Variants in CCDC148 observed in about 807,000 individuals in gnomAD.
CCDC148 encodes the protein coiled-coil domain-containing protein 148.
Under a neutral mutation model 85.7 loss-of-function variants are expected in CCDC148, and 89 were observed. The ratio of observed to expected loss-of-function variants is 1.04; its 90% CI spans 0.87 to 1.24. The LOEUF (loss-of-function observed/expected upper bound fraction) is 1.24. CCDC148 is among the 50% of genes most tolerant of loss of function. CCDC148 has a pLI of 0.00. For missense variants in CCDC148, 692 were observed against 671.7 expected, an observed-to-expected ratio of 1.03 and a Z score of -0.33; for synonymous variants, 230 against 213.9, an observed-to-expected ratio of 1.08 and a Z score of -0.66.
At chr2:158,277,145 G>A (rs1173588309) in intron 9 of CCDC148, among the ~76,000 whole-genome samples, 2 of 152,132 alleles carry the variant, frequency 1.3e-5, no homozygotes, top group Non-Finnish European at 2.9e-5. Context: ...TACCATTATT[G>A]AAGAATTTTC....
chr2:158,418,032 T>C (rs1418377724), intron 1 of CCDC148, among the ~76,000 whole-genome samples: 1 of 152,024 alleles, frequency 6.6e-6, no homozygotes, highest in Non-Finnish European at 1.5e-5. Context: ...TCTATTATTT[T>C]TTTAAAAAAT....
At chr2:158,375,832 G>A (rs903414296) in intron 1 of CCDC148, among the ~76,000 whole-genome samples, 1 of 152,138 alleles carries the variant, frequency 6.6e-6, no homozygotes, top group Non-Finnish European at 1.5e-5. Flanking sequence ...TAGACATGGA[G>A]CGAGTATTAA....
intron 7 of CCDC148, among the ~76,000 whole-genome samples, chr2:158,318,400 A>T (rs1692374665): frequency 6.6e-6 from 1 of 152,220 alleles, no homozygotes; most frequent in Non-Finnish European, 1.5e-5. Flanking sequence ...ATTAAAAAAA[A>T]AGTGACCTAT....
intron 10 of CCDC148, among the ~76,000 whole-genome samples, chr2:158,230,112 T>C (rs1687780027): frequency 6.6e-6 from 1 of 152,178 alleles, no homozygotes; most frequent in African/African-American, 2.4e-5. Context: ...AAACCATTAT[T>C]GACTTTGGGA....
intron 1 of CCDC148, among the ~76,000 whole-genome samples, chr2:158,359,128 G>A (rs1683811284): frequency 6.6e-6 from 1 of 152,094 alleles, no homozygotes. Flanking sequence ...TACATACAAT[G>A]TCCTAGTCTG....
intron 10 of CCDC148, among the ~76,000 whole-genome samples, chr2:158,221,993 G>A (rs978947527): frequency 2.6e-5 from 4 of 151,994 alleles, no homozygotes; most frequent in African/African-American, 9.7e-5. Context: ...TGACAGATAC[G>A]GAAATGTTAG....
intron 9 of CCDC148, among the ~76,000 whole-genome samples, chr2:158,296,902 G>T (rs1691214344): frequency 6.6e-6 from 1 of 152,136 alleles, no homozygotes. Flanking sequence ...AATGCCATCT[G>T]CTGCTGTGAC....
chr2:158,180,322 TG>T (rs1202847292), intron 11 of CCDC148, among the ~76,000 whole-genome samples: 18 of 152,304 alleles, frequency 1.2e-4, no homozygotes, highest in African/African-American at 4.3e-4. Context: ...AATCACATGC[TG>T]GGTTGCCATT....
At chr2:158,456,336 G>T in intron 1 of CCDC148, 79 bp downstream of exon 1, 1 of 1,466,946 alleles carries the variant, frequency 6.8e-7, no homozygotes, top group Non-Finnish European at 9.4e-7. Context: ...TGGCTGCAGA[G>T]AACAAACATA....
Position 158,358,580 on chromosome 2 carries a change from A to G in CCDC148, c.26-10T>C. ...TGGAATACCAGATTATCTATTAGTC[A>G]TAAAAATAGAAAAATGACAAAGAAA... On this transcript the variant is annotated splice_polypyrimidine_tract_variant and intron_variant, in intron 1 of 13. Transcript: ENST00000283233. The G allele has an allele frequency of 6.6e-7, 1 of 1,515,630 alleles. No individual in the cohort carries two copies. Among genetic ancestry groups the G allele is most frequent in the Non-Finnish European group, 8.9e-7 (1 of 1,129,548 alleles). The allele number at this position is 1,515,630 out of a possible 1,614,324, so 93.9% of individuals were successfully genotyped here.
At chr2:158,390,300 G>A (rs969363091) in intron 1 of CCDC148, among the ~76,000 whole-genome samples, 7 of 152,008 alleles carry the variant, frequency 4.6e-5, no homozygotes, top group Non-Finnish European at 8.8e-5. Flanking sequence ...AGGACCAAAC[G>A]ACATACCAAG....
chr2:158,388,715 G>A (rs902258880), intron 1 of CCDC148, among the ~76,000 whole-genome samples: 6 of 152,092 alleles, frequency 3.9e-5, no homozygotes, highest in Admixed American at 1.3e-4. Flanking sequence ...GGCTGGGCTC[G>A]AACTCCTGAC....
At chr2:158,372,978 T>G (rs568853614) in intron 1 of CCDC148, among the ~76,000 whole-genome samples, 1 of 152,102 alleles carries the variant, frequency 6.6e-6, no homozygotes, top group Admixed American at 6.6e-5. Context: ...CTTATGATTA[T>G]GTGATGTTAT....
chr2:158,276,885 A>G (rs1327867053), intron 9 of CCDC148, among the ~76,000 whole-genome samples: 1 of 152,260 alleles, frequency 6.6e-6, no homozygotes, highest in Non-Finnish European at 1.5e-5. Context: ...TAATATGACA[A>G]ATAGAAAAAG....
chr2:158,370,831 A>G (rs189955906), intron 1 of CCDC148, among the ~76,000 whole-genome samples: 4 of 151,904 alleles, frequency 2.6e-5, no homozygotes, highest in Admixed American at 6.6e-5. Flanking sequence ...AATAAACTAT[A>G]TAAGAAGTTT....
chr2:158,397,385 C>A (rs2602178), intron 1 of CCDC148, among the ~76,000 whole-genome samples: 1 of 152,098 alleles, frequency 6.6e-6, no homozygotes, highest in Admixed American at 6.6e-5. Flanking sequence ...AGAGAAACGT[C>A]GGGTTACCCA....
intron 9 of CCDC148, among the ~76,000 whole-genome samples, chr2:158,296,177 T>C (rs1266622458): frequency 6.6e-6 from 1 of 152,204 alleles, no homozygotes; most frequent in Non-Finnish European, 1.5e-5. Flanking sequence ...TCCCCCAAGT[T>C]GTCTTCCCCA....
At chr2:158,220,509 T>C in intron 11 of CCDC148, 86 bp downstream of exon 11, 1 of 861,226 alleles carries the variant, frequency 1.2e-6, no homozygotes, top group Non-Finnish European at 1.9e-6. Context: ...TAGAAAAAAG[T>C]TCCCTCTGAT....
At chr2:158,177,067 C>A (rs540684524) in intron 12 of CCDC148, among the ~76,000 whole-genome samples, 76 of 151,954 alleles carry the variant, frequency 5.0e-4, no homozygotes, top group African/African-American at 1.3e-3. Flanking sequence ...ATGGTAACAA[C>A]CCCATGAAGT....
Sources: allele counts gnomAD v4.1 joint callset (sites outside exome capture counted in the v4.1 genomes callset), GRCh38; gene constraint gnomAD v4.1.1; transcripts MANE v1.5; gene names NCBI Gene and HGNC (gene_info 2026-07-23, HGNC 2026-07-21).